Variants in MAGI2 observed in about 807,000 individuals in gnomAD.
The protein encoded by MAGI2 is membrane-associated guanylate kinase, WW and PDZ domain-containing protein 2.
In MAGI2, 35 loss-of-function variants were observed where a neutral mutation model predicts 133.3. The ratio of observed to expected loss-of-function variants is 0.26; its 90% CI spans 0.20 to 0.35. MAGI2 has a LOEUF of 0.35. Among genes scored for constraint, MAGI2 ranks in the 10% least tolerant of loss-of-function variants. The probability of loss-of-function intolerance (pLI) is 1.00; values close to 1 mark genes in which losing one functional copy is unlikely to be tolerated. For missense variants in MAGI2, 1,636 were observed against 1,863.4 expected (o/e 0.88, Z 2.25); for synonymous variants, 729 against 710.6 (o/e 1.03, Z -0.41).
At chr7:79,228,485 C>A (rs1831073988) in intron 1 of MAGI2, among the ~76,000 whole-genome samples, 1 of 151,226 alleles carries the variant, frequency 6.6e-6, no homozygotes, top group Non-Finnish European at 1.5e-5. Context: ...TCAATAACTA[C>A]TAATTGTAAA....
chr7:78,491,549 G>A (rs1793605220), intron 5 of MAGI2, among the ~76,000 whole-genome samples: 1 of 152,046 alleles, frequency 6.6e-6, no homozygotes, highest in Non-Finnish European at 1.5e-5. Context: ...TAAAGGCTGT[G>A]AATTTGATCA....
intron 2 of MAGI2, among the ~76,000 whole-genome samples, chr7:78,906,594 T>C (rs1054507440): frequency 2.0e-5 from 3 of 152,370 alleles, no homozygotes; most frequent in African/African-American, 7.2e-5. Flanking sequence ...CACTGTCTTT[T>C]CCTTATAATG....
chr7:79,036,352 C>T (rs1811128186), intron 1 of MAGI2, among the ~76,000 whole-genome samples: 1 of 152,164 alleles, frequency 6.6e-6, no homozygotes, highest in South Asian at 2.1e-4. Flanking sequence ...GGTACTTTCA[C>T]CCAATTCATC....
At chr7:78,023,377 T>C (rs1186342836) in intron 21 of MAGI2, among the ~76,000 whole-genome samples, 1 of 152,178 alleles carries the variant, frequency 6.6e-6, no homozygotes, top group East Asian at 1.9e-4. Context: ...GCCTCCTCCT[T>C]CCCTCCTTCC....
intron 7 of MAGI2, among the ~76,000 whole-genome samples, chr7:78,359,958 T>A (rs1792601179): frequency 6.6e-6 from 1 of 152,192 alleles, no homozygotes; most frequent in Non-Finnish European, 1.5e-5. Context: ...GGAAAAAACA[T>A]AAGCTATTAC....
intron 16 of MAGI2, among the ~76,000 whole-genome samples, chr7:78,156,728 C>T (rs1187929867): frequency 1.9e-4 from 29 of 151,510 alleles, no homozygotes; most frequent in Admixed American, 1.9e-3. Context: ...GTTAACCATG[C>T]CCTTTTCTTG....
At chr7:78,341,441 A>T (rs1378450279) in intron 9 of MAGI2, among the ~76,000 whole-genome samples, 1 of 152,236 alleles carries the variant, frequency 6.6e-6, no homozygotes, top group African/African-American at 2.4e-5. Flanking sequence ...CTTTCTTCAC[A>T]GAACTGGAAA....
intron 2 of MAGI2, among the ~76,000 whole-genome samples, chr7:78,943,675 G>A (rs527958723): frequency 1.3e-5 from 2 of 152,216 alleles, no homozygotes; most frequent in Admixed American, 6.5e-5. Flanking sequence ...AGAAAAAAAG[G>A]TATCCAATTT....
intron 3 of MAGI2, among the ~76,000 whole-genome samples, chr7:78,561,988 G>C (rs1260575568): frequency 6.6e-6 from 1 of 152,132 alleles, no homozygotes; most frequent in African/African-American, 2.4e-5. Flanking sequence ...GGACACACCT[G>C]CTCCCCTCTC....
chr7:78,267,524 C>T (rs981067004), intron 9 of MAGI2, among the ~76,000 whole-genome samples: 2 of 152,134 alleles, frequency 1.3e-5, no homozygotes, highest in African/African-American at 4.8e-5. Context: ...AGGAGTCAGC[C>T]TGTTCATTGG....
rs768476664 is a variant in MAGI2 at position 78,031,232 on chromosome 7, G to A, written c.3707-11256C>T. Among the ~76,000 whole-genome samples, 9 of 152,060 alleles carry A rather than the reference G, an allele frequency of 5.9e-5. No homozygotes were observed. In the East Asian group the frequency reaches 1.5e-3, roughly 26 times the overall value. On this transcript the variant is annotated intron_variant, in intron 21 of 21. Transcript: ENST00000354212. ...TAGGAGGAGGCTTGACTACAATGGG[G>A]GATAAGAGAATTTTAGGAGGTTATG...
intron 2 of MAGI2, among the ~76,000 whole-genome samples, chr7:78,999,303 C>CT (rs201222938): frequency 3.9e-4 from 57 of 145,622 alleles, no homozygotes; most frequent in East Asian, 2.8e-3. Flanking sequence ...GTGCTTATTC[C>CT]TTTTTTTTTT....
intron 20 of MAGI2, among the ~76,000 whole-genome samples, chr7:78,087,403 G>A (rs190198724): frequency 6.6e-6 from 1 of 152,220 alleles, no homozygotes; most frequent in Admixed American, 6.5e-5. Flanking sequence ...TATGGGAAGT[G>A]CATTGTAATC....
At chr7:79,260,514 G>C (rs1436526427) in intron 1 of MAGI2, among the ~76,000 whole-genome samples, 1 of 152,094 alleles carries the variant, frequency 6.6e-6, no homozygotes, top group Non-Finnish European at 1.5e-5. Context: ...TAATGTTTCT[G>C]TCCAATATCA....
intron 2 of MAGI2, among the ~76,000 whole-genome samples, chr7:78,631,128 C>G (rs940308543): frequency 6.6e-6 from 1 of 152,212 alleles, no homozygotes; most frequent in East Asian, 1.9e-4. Flanking sequence ...TACACCCTCA[C>G]TAGTGGCAAA....
intron 2 of MAGI2, among the ~76,000 whole-genome samples, chr7:78,984,996 C>CTT (rs142419894): frequency 1.6e-4 from 23 of 140,858 alleles, no homozygotes; most frequent in Admixed American, 9.3e-4. Flanking sequence ...TTCTTCTTTC[C>CTT]TTTTTTTTTT....
At chr7:78,931,429 C>A (rs1248594053) in intron 2 of MAGI2, among the ~76,000 whole-genome samples, 1 of 152,100 alleles carries the variant, frequency 6.6e-6, no homozygotes, top group Non-Finnish European at 1.5e-5. Flanking sequence ...AGCCAGTGAG[C>A]AATTGGCCCT....
intron 1 of MAGI2, among the ~76,000 whole-genome samples, chr7:79,302,423 A>G (rs1221615593): frequency 2.6e-5 from 4 of 152,154 alleles, no homozygotes; most frequent in African/African-American, 9.7e-5. Flanking sequence ...TCCCTTCAGC[A>G]CAAGCTAAGG....
intron 1 of MAGI2, among the ~76,000 whole-genome samples, chr7:79,248,804 C>A (rs1833004559): frequency 6.6e-6 from 1 of 151,948 alleles, no homozygotes; most frequent in South Asian, 2.1e-4. Context: ...TGAAAATTTT[C>A]TTGAAATAAA....
Sources: gnomAD v4.1 joint callset for allele counts (sites outside exome capture counted in the v4.1 genomes callset) on GRCh38, gnomAD v4.1.1 for gene constraint, MANE v1.5 for transcripts, NCBI Gene and HGNC (gene_info 2026-07-23, HGNC 2026-07-21) for gene names.